TIPARP: variants seen among roughly 807,000 people sequenced by gnomAD.
TIPARP encodes TCDD inducible poly(ADP-ribose) polymerase, also known as protein mono-ADP-ribosyltransferase TIPARP.
TIPARP carries 12 observed loss-of-function variants against 56.5 expected under a neutral mutation model. That is an observed-to-expected ratio of 0.21 (90% CI 0.14 to 0.34). The LOEUF is 0.34. TIPARP is among the 10% of genes least tolerant of loss of function. The probability of loss-of-function intolerance (pLI) is 1.00; values close to 1 mark genes in which losing one functional copy is unlikely to be tolerated. For synonymous variants in TIPARP, 296 were observed against 265.7 expected (o/e 1.11, Z -1.11); for missense variants, 604 against 781.6 (o/e 0.77, Z 2.71).
chr3:156,677,520 A>T, intron 1 of TIPARP, 137 bp from the exon 2 acceptor site: 2 of 580,608 alleles, frequency 3.4e-6, no homozygotes, highest in Non-Finnish European at 5.6e-6. Flanking sequence ...TTTAAAATTG[A>T]CTTGTAAAAA....
intron 4 of TIPARP, among the ~76,000 whole-genome samples, chr3:156,702,021 GT>G: frequency 3.0e-4 from 1 of 3,338 alleles, no homozygotes; most frequent in African/African-American, 4.2e-4. Context: ...TGATAATGCG[GT>G]GGTGGTGGTG....
intron 2 of TIPARP, among the ~76,000 whole-genome samples, chr3:156,679,199 G>A (rs1722228541): frequency 6.6e-6 from 1 of 151,836 alleles, no homozygotes; most frequent in African/African-American, 2.4e-5. Context: ...CCAGAATTTA[G>A]GGTATTTTTT....
chr3:156,705,248 A>T lies in TIPARP; in HGVS notation c.*117A>T, dbSNP rs1393480979. 2.8e-6 allele frequency: 2 copies of T among 703,698 alleles called. No individual in the cohort carries two copies. Among genetic ancestry groups the T allele is most frequent in the African/African-American group, 3.6e-5 (2 of 56,136 alleles). 43.6% of individuals were successfully genotyped at this position (703,698 alleles called of 1,614,324 possible). On this transcript the variant is annotated 3_prime_UTR_variant, in exon 6 of 6. Coordinates refer to ENST00000295924, the MANE Select transcript of TIPARP (RefSeq NM_015508.5). ...TGGACATTAATAGGGCACTTTTCAG[A>T]CCCATTTTTTAAAGTGCTAGAAAAT...
Position 156,703,437 on chromosome 3 carries a change from G to C in TIPARP, c.1261G>C (p.Val421Leu). The change falls in exon 5 of 6, where the codon GTT (valine) becomes CTT (leucine). Residue 421 changes from valine (V) to leucine (L), a missense_variant. Physicochemically the swap from Val to Leu is conservative, Grantham distance 32 (BLOSUM62 1). Around this residue, in one of 4 missense-constraint regions of TIPARP, gnomAD observed 252 missense variants for 303.9 expected, o/e 0.83. Coordinates refer to ENST00000295924, the MANE Select transcript of TIPARP (RefSeq NM_015508.5). ...TCTCCATTTTAGGACACTTGGTGGG[G>C]TTCCCACACAAGCTCCTCCACCTCT... ...LLPYLQTLGG[V>L]PTQAPPPLEA... 6.2e-7 allele frequency: 1 copy of C among 1,614,034 alleles called. No homozygotes were observed. Among genetic ancestry groups the C allele is most frequent in the Non-Finnish European group, 8.5e-7 (1 of 1,179,998 alleles).
At chr3:156,700,236 T>A (rs1722815707) in intron 4 of TIPARP, among the ~76,000 whole-genome samples, 1 of 152,070 alleles carries the variant, frequency 6.6e-6, no homozygotes, top group African/African-American at 2.4e-5. Context: ...GCCTCCCAAG[T>A]AGCTGGGACT....
chr3:156,680,945 T>C (rs1390277914), intron 2 of TIPARP, among the ~76,000 whole-genome samples: 1 of 152,144 alleles, frequency 6.6e-6, no homozygotes, highest in African/African-American at 2.4e-5. Context: ...CCTAGGAAAA[T>C]AGCAAAAAGT....
intron 4 of TIPARP, 74 bp from the exon 5 acceptor site, chr3:156,703,350 A>T: frequency 6.9e-7 from 1 of 1,450,830 alleles, no homozygotes; most frequent in Non-Finnish European, 9.4e-7. Flanking sequence ...GTAGACACTG[A>T]TATAGATCAC....
intron 2 of TIPARP, among the ~76,000 whole-genome samples, chr3:156,680,415 A>G (rs1357706072): frequency 6.6e-6 from 1 of 152,106 alleles, no homozygotes; most frequent in Non-Finnish European, 1.5e-5. Flanking sequence ...TCTAATTGCT[A>G]TGTCAAGGGT....
Position 156,686,586 on chromosome 3 carries a change from T to A in TIPARP, c.918-7434T>A, listed in dbSNP as rs78980322. On this transcript the variant is annotated intron_variant, in intron 2 of 5. Coordinates refer to ENST00000295924, the MANE Select transcript of TIPARP (RefSeq NM_015508.5). ...AGTCACCAATGAGTATATTTCTGATTCTTTCATTGATCAGTTAGTTCATCT... is the reference window on the plus strand; with the variant it reads ...AGTCACCAATGAGTATATTTCTGATACTTTCATTGATCAGTTAGTTCATCT... Among the ~76,000 whole-genome samples the A allele has an allele frequency of 3.9e-4, 60 of 152,338 alleles. No individual in the cohort carries two copies. The East Asian group carries it at 0.011, about 27-fold the overall frequency.
At chr3:156,684,719 A>T (rs924525063) in intron 2 of TIPARP, among the ~76,000 whole-genome samples, 10 of 152,240 alleles carry the variant, frequency 6.6e-5, no homozygotes, top group Non-Finnish European at 1.3e-4. Context: ...GGCGTGAGCC[A>T]CTGCGCCCAG....
intron 2 of TIPARP, among the ~76,000 whole-genome samples, chr3:156,679,931 T>G (rs1388520419): frequency 6.6e-6 from 1 of 152,190 alleles, no homozygotes; most frequent in Non-Finnish European, 1.5e-5. Context: ...TTTTTTTTGT[T>G]TGTTTGTTTT....
chr3:156,682,877 C>T (rs1722340613), intron 2 of TIPARP, among the ~76,000 whole-genome samples: 1 of 152,170 alleles, frequency 6.6e-6, no homozygotes, highest in African/African-American at 2.4e-5. Context: ...AAAATGTGTG[C>T]CTTGTGCTTT....
At chr3:156,683,820 A>G (rs1348267192) in intron 2 of TIPARP, among the ~76,000 whole-genome samples, 2 of 152,178 alleles carry the variant, frequency 1.3e-5, no homozygotes, top group Non-Finnish European at 2.9e-5. Flanking sequence ...AACCTTGACT[A>G]CTCAAGGAAT....
chr3:156,694,273 T>C (rs776920373), intron 3 of TIPARP, 85 bp downstream of exon 3: 27 of 1,291,196 alleles, frequency 2.1e-5, no homozygotes, highest in Non-Finnish European at 2.6e-5. Flanking sequence ...TTTACAACAA[T>C]GACTAGGCAG....
intron 4 of TIPARP, among the ~76,000 whole-genome samples, chr3:156,699,286 T>C (rs927904322): frequency 1.3e-5 from 2 of 152,236 alleles, no homozygotes; most frequent in African/African-American, 4.8e-5. Context: ...TAAAATGCTT[T>C]CAGATGGTAC....
intron 2 of TIPARP, among the ~76,000 whole-genome samples, chr3:156,681,377 C>T (rs1722299650): frequency 6.6e-6 from 1 of 152,094 alleles, no homozygotes; most frequent in Non-Finnish European, 1.5e-5. Context: ...CCACTGTTTT[C>T]AGTAGTTTAT....
At chr3:156,685,516 T>C (rs1184820310) in intron 2 of TIPARP, among the ~76,000 whole-genome samples, 1 of 152,248 alleles carries the variant, frequency 6.6e-6, no homozygotes, top group African/African-American at 2.4e-5. Flanking sequence ...AAGAGTTCAG[T>C]AAATTTGTAT....
At chr3:156,676,291 C>A (rs1339622242) in intron 1 of TIPARP, among the ~76,000 whole-genome samples, 1 of 152,160 alleles carries the variant, frequency 6.6e-6, no homozygotes, top group Non-Finnish European at 1.5e-5. Flanking sequence ...CTTTTTCTGC[C>A]TTTTCCTTTT....
Position 156,694,121 on chromosome 3 carries a change from A to G in TIPARP, c.1019A>G (p.Asn340Ser), listed in dbSNP as rs1036522422. 2 of 1,613,198 alleles carry G rather than the reference A, an allele frequency of 1.2e-6. No homozygotes were observed. The highest frequency in any genetic ancestry group is 1.3e-5 in the African/African-American group (1 of 74,856). Residue 340 changes from asparagine (N) to serine (S), a missense_variant, in exon 3 of 6, where the codon AAC (asparagine) becomes AGC (serine). Coordinates refer to ENST00000295924, the MANE Select transcript of TIPARP (RefSeq NM_015508.5). The stretch of plus-strand genomic sequence containing the variant: ...TCCACACCACCCTCTAGCAATGTCA[A>G]CTCTATTTACCACACAGTCTGGAAA... ...RLSTPPSSNV[N>S]SIYHTVWKFF... is the part of the protein sequence containing the mutation.
Sources: allele counts gnomAD v4.1 joint callset (sites outside exome capture counted in the v4.1 genomes callset), GRCh38; gene constraint gnomAD v4.1.1; regional missense constraint gnomAD v4.1.1; transcripts MANE v1.5; gene names NCBI Gene and HGNC (gene_info 2026-07-23, HGNC 2026-07-21).